Variants in SMPD3 observed in about 807,000 individuals in gnomAD.
SMPD3 encodes the protein nSMase-2.
A neutral mutation model predicts 55.7 loss-of-function variants in SMPD3; 21 were observed. The ratio of observed to expected loss-of-function variants is 0.38; its 90% CI spans 0.27 to 0.54. The LOEUF is 0.54. Ranked by LOEUF, SMPD3 falls within the 20% of genes least tolerant of loss-of-function variation. SMPD3 has a pLI of 0.80. For synonymous variants in SMPD3, 457 were observed against 404.3 expected (o/e 1.13, Z -1.56); for missense variants, 842 against 899.6 (o/e 0.94, Z 0.82).
intron 3 of SMPD3, chr16:68,370,282 A>G (rs1462348460): frequency 1.9e-5 from 3 of 154,020 alleles, no homozygotes; most frequent in African/African-American, 4.8e-5. Context: ...ACAGCCTGGC[A>G]GGGCAGCTGC....
intron 1 of SMPD3, among the ~76,000 whole-genome samples, chr16:68,425,539 G>C (rs947240774): frequency 6.6e-6 from 1 of 151,852 alleles, no homozygotes; most frequent in African/African-American, 2.4e-5. Context: ...AGGACAATGG[G>C]TGGGGGGGCG....
chr16:68,431,696 C>A (rs766760225), intron 1 of SMPD3, among the ~76,000 whole-genome samples: 1 of 152,118 alleles, frequency 6.6e-6, no homozygotes. Flanking sequence ...CCAAGGCAGG[C>A]GGATCACTTG....
At chr16:68,396,747 A>G (rs1229346455) in intron 1 of SMPD3, among the ~76,000 whole-genome samples, 4 of 152,236 alleles carry the variant, frequency 2.6e-5, no homozygotes, top group Non-Finnish European at 5.9e-5. Context: ...AGGAGCTGTG[A>G]GAAACTGCTC....
Position 68,361,271 on chromosome 16 carries a change from C to G in SMPD3, c.1903G>C (p.Gly635Arg), listed in dbSNP as rs763430018. The G allele has an allele frequency of 6.2e-7, 1 of 1,612,334 alleles. No individual in the cohort carries two copies. The highest frequency in any genetic ancestry group is 8.5e-7 in the Non-Finnish European group (1 of 1,179,416). The change falls in exon 9 of 9, where the codon GGC (glycine) becomes CGC (arginine). Residue 635 changes from glycine (G) to arginine (R), a missense_variant. Around this residue, in one of 2 missense-constraint regions of SMPD3, gnomAD observed 649 missense variants for 643.6 expected, o/e 1.01. Transcript: ENST00000219334. The part of the protein sequence containing the change: ...EEFSFITQLS[G>R]LTDHLPVAMR... ...GCTACTGGCAGGTGGTCCGTCAGGC[C>G]GGACAGCTGGGTGATAAAACTGAAT...
At chr16:68,364,707 C>T in intron 5 of SMPD3, 44 bp downstream of exon 5, 1 of 1,579,092 alleles carries the variant, frequency 6.3e-7, no homozygotes, top group Non-Finnish European at 8.6e-7. Context: ...AGCCCACAGC[C>T]TCCCCAGAGC....
chr16:68,421,201 C>T (rs540896220), intron 1 of SMPD3, among the ~76,000 whole-genome samples: 3 of 152,304 alleles, frequency 2.0e-5, no homozygotes, highest in South Asian at 2.1e-4. Context: ...GAGTCAGGCC[C>T]GTCCCTGCAA....
intron 1 of SMPD3, among the ~76,000 whole-genome samples, chr16:68,401,037 G>T (rs1358863118): frequency 6.6e-6 from 1 of 152,200 alleles, no homozygotes; most frequent in Admixed American, 6.5e-5. Flanking sequence ...CACTGCCAGT[G>T]CCACCCTCTG....
At chr16:68,415,862 G>A (rs2090334987) in intron 1 of SMPD3, among the ~76,000 whole-genome samples, 1 of 143,148 alleles carries the variant, frequency 7.0e-6, no homozygotes, top group African/African-American at 2.6e-5. Flanking sequence ...GGTATTTAAT[G>A]TGACATATTC....
chr16:68,442,975 C>T (rs776075169), intron 1 of SMPD3, among the ~76,000 whole-genome samples: 1 of 152,178 alleles, frequency 6.6e-6, no homozygotes, highest in Non-Finnish European at 1.5e-5. Flanking sequence ...GGAGACTCAG[C>T]TTGATATGAA....
chr16:68,366,772 G>A (rs1597593766), intron 3 of SMPD3, among the ~76,000 whole-genome samples: 1 of 152,310 alleles, frequency 6.6e-6, no homozygotes, highest in African/African-American at 2.4e-5. Context: ...CATTTTGGGA[G>A]GTTGAGGCAG....
chr16:68,428,650 AC>A (rs2090456492), intron 1 of SMPD3, among the ~76,000 whole-genome samples: 1 of 152,038 alleles, frequency 6.6e-6, no homozygotes, highest in Non-Finnish European at 1.5e-5. Flanking sequence ...GGAACATCTA[AC>A]CCCCTATTTT....
intron 1 of SMPD3, among the ~76,000 whole-genome samples, chr16:68,423,031 C>G (rs2090408008): frequency 6.6e-6 from 1 of 152,186 alleles, no homozygotes; most frequent in African/African-American, 2.4e-5. Context: ...AAGTTATTAG[C>G]TCAGTGATCT....
At position 68,371,495 on chromosome 16, in the gene SMPD3, G is replaced by C. The variant is rs1038537583; in HGVS notation, c.687C>G (p.Ala229=). Residue 229 remains alanine (A), a synonymous_variant, in exon 3 of 9, where the codon GCC becomes GCG. Transcript: ENST00000219334. ...TGCTGCTGTCGACAGGGTCCCCAGA[G>C]GCTGGGCCGTTGGCAGCCTCGTCAC... ...HPGDEAANGP[A]SGDPVDSSSP... is the part of the protein sequence containing the mutation. 5.0e-6 allele frequency: 8 copies of C among 1,598,958 alleles called. No individual in the cohort carries two copies. Among genetic ancestry groups the C allele is most frequent in the Non-Finnish European group, 6.8e-6 (8 of 1,179,582 alleles).
chr16:68,385,632 A>T (rs556132713), intron 2 of SMPD3, among the ~76,000 whole-genome samples: 33 of 152,226 alleles, frequency 2.2e-4, no homozygotes, highest in African/African-American at 7.7e-4. Flanking sequence ...AACCCTGACA[A>T]CGCTTAATTT....
At chr16:68,380,003 G>A (rs1372531107) in intron 2 of SMPD3, among the ~76,000 whole-genome samples, 1 of 152,258 alleles carries the variant, frequency 6.6e-6, no homozygotes, top group East Asian at 1.9e-4. Flanking sequence ...GGTGACATGG[G>A]CAGTTGCCCT....
intron 2 of SMPD3, among the ~76,000 whole-genome samples, chr16:68,373,730 A>G (rs1373912923): frequency 1.3e-5 from 2 of 152,062 alleles, no homozygotes; most frequent in African/African-American, 4.8e-5. Flanking sequence ...GGCTGCAGGG[A>G]TGCTCTCTAT....
intron 1 of SMPD3, among the ~76,000 whole-genome samples, chr16:68,392,017 G>A (rs1428130836): frequency 2.6e-5 from 4 of 152,114 alleles, no homozygotes; most frequent in South Asian, 2.1e-4. Context: ...TCAGCCTCCC[G>A]AGTAGGTGGG....
intron 1 of SMPD3, among the ~76,000 whole-genome samples, chr16:68,402,861 C>T (rs1400284321): frequency 1.3e-5 from 2 of 152,204 alleles, no homozygotes; most frequent in Admixed American, 6.5e-5. Flanking sequence ...CCTGGAAAAC[C>T]AGTGTATGCT....
chr16:68,365,029 G>A lies in SMPD3; in HGVS notation c.1387C>T (p.His463Tyr), dbSNP rs762303339. Residue 463 changes from histidine (H) to tyrosine (Y), a missense_variant, in exon 4 of 9, where the codon CAT becomes TAT. Physicochemically the swap from His to Tyr is moderately conservative, Grantham distance 83 (BLOSUM62 2). This residue lies in a region of SMPD3 where 649 missense variants were observed against 643.6 expected (regional missense o/e 1.01). Coordinates refer to ENST00000219334, the MANE Select transcript of SMPD3 (RefSeq NM_018667.4). Reference sequence around the variant, plus strand: ...GCGGCAACCCTACCTTGCGGGGCATGCAGGTGTGTGCAGGCGATGTACCCG... The same window carrying A: ...GCGGCAACCCTACCTTGCGGGGCATACAGGTGTGTGCAGGCGATGTACCCG... ...IVGYIACTHLHAPQEDSAIRC... is the reference protein window; with the variant it reads ...IVGYIACTHLYAPQEDSAIRC... The A allele has an allele frequency of 6.2e-7, 1 of 1,614,132 alleles. No homozygotes were observed. Among genetic ancestry groups the A allele is most frequent in the East Asian group, 2.2e-5 (1 of 44,884 alleles).
Sources: allele counts gnomAD v4.1 joint callset (sites outside exome capture counted in the v4.1 genomes callset), GRCh38; gene constraint gnomAD v4.1.1; regional missense constraint gnomAD v4.1.1; transcripts MANE v1.5; gene names NCBI Gene and HGNC (gene_info 2026-07-23, HGNC 2026-07-21).